ITSN2: variants seen among roughly 807,000 people sequenced by gnomAD.
ITSN2 encodes intersectin 2.
ITSN2 carries 156 observed loss-of-function variants against 243.7 expected under a neutral mutation model. The observed-to-expected ratio is 0.64, with a 90% CI of 0.56 to 0.73. ITSN2 has a LOEUF of 0.73. Among genes scored for constraint, ITSN2 ranks in the 30% least tolerant of loss-of-function variants. The pLI, the probability that ITSN2 is intolerant of heterozygous loss-of-function variation, is 0.00. For synonymous variants in ITSN2, 703 were observed against 699.9 expected (o/e 1.00, Z -0.07); for missense variants, 1,801 against 1,996.1 (o/e 0.90, Z 1.86).
At chr2:24,209,318 G>T (rs1669245208) in intron 35 of ITSN2, 97 bp from the exon 36 acceptor site, 5 of 1,450,524 alleles carry the variant, frequency 3.4e-6, no homozygotes, top group East Asian at 2.3e-5. Context: ...GAAGAGCCTT[G>T]TTGAGAAGGA....
intron 37 of ITSN2, chr2:24,205,695 C>T (rs745722411): frequency 2.2e-4 from 48 of 215,944 alleles, no homozygotes; most frequent in Non-Finnish European, 4.4e-4. Flanking sequence ...TGGACTGTTT[C>T]GATCATCCTT....
At chr2:24,342,067 G>A (rs1428138105) in intron 1 of ITSN2, among the ~76,000 whole-genome samples, 1 of 152,120 alleles carries the variant, frequency 6.6e-6, no homozygotes, top group Non-Finnish European at 1.5e-5. Context: ...GTTAGAACCT[G>A]GGACAGATAT....
Position 24,298,735 on chromosome 2 carries a change from T to C in ITSN2, c.1424A>G (p.Asn475Ser), listed in dbSNP as rs778548633. ...CCTGACAATTTCTTCTTGTTCTCTA[T>C]TCTTTTGATTGAGAAGCTCCTGTCG... The part of the protein sequence containing the change: ...IRRQELLNQK[N>S]REQEEIVRLN... The change falls in exon 13 of 40, where the codon AAT becomes AGT. Residue 475 changes from asparagine (N) to serine (S), a missense_variant. By Grantham distance (46) the Asn-to-Ser change is conservative (BLOSUM62 1). Around this residue, in one of 5 missense-constraint regions of ITSN2, gnomAD observed 787 missense variants for 803.9 expected, o/e 0.98. Coordinates refer to ENST00000355123, the MANE Select transcript of ITSN2 (RefSeq NM_006277.3). 2 of 1,613,280 alleles carry C rather than the reference T, an allele frequency of 1.2e-6. No individual in the cohort carries two copies. The highest frequency in any genetic ancestry group is 1.7e-6 in the Non-Finnish European group (2 of 1,179,598).
rs535163939 is a variant in ITSN2, at chr2:24,286,056, T to C, written c.1863+156A>G. Among the ~76,000 whole-genome samples the C allele has an allele frequency of 3.3e-5, 5 of 151,994 alleles. No individual in the cohort carries two copies. The South Asian group carries it at 8.3e-4, about 25-fold the overall frequency. ...GACACTATGTCATATAACTAGAACA[T>C]TAAAAACAATCTTGAAATTCTTGTA... is the stretch of plus-strand genomic sequence containing the variant. On this transcript the variant is annotated intron_variant, in intron 16 of 39. Transcript: ENST00000355123.
chr2:24,337,037 A>C (rs1279593453), intron 1 of ITSN2, among the ~76,000 whole-genome samples: 1 of 151,078 alleles, frequency 6.6e-6, no homozygotes, highest in Non-Finnish European at 1.5e-5. Flanking sequence ...GTTGTGCAAC[A>C]TGGCTCTCCT....
rs540039752 is a variant in ITSN2, at chr2:24,225,421, G to A, written c.3578-4355C>T. Among the ~76,000 whole-genome samples, 14 of 152,262 alleles carry A rather than the reference G, an allele frequency of 9.2e-5. No individual in the cohort carries two copies. Among genetic ancestry groups the A allele is most frequent in the Admixed American group, 7.2e-4 (11 of 15,294 alleles). On this transcript the variant is annotated intron_variant, in intron 29 of 39. Coordinates refer to ENST00000355123, the MANE Select transcript of ITSN2 (RefSeq NM_006277.3). The surrounding 1 kb of genome is among the most constrained non-coding windows in gnomAD (Gnocchi z 4.2). Reference sequence around the variant, plus strand: ...TGCCCCACTGCCCGACACTGCTCTCGGGAAGGTATCGATGACCTTGGCATT... The same window carrying A: ...TGCCCCACTGCCCGACACTGCTCTCAGGAAGGTATCGATGACCTTGGCATT...
At chr2:24,284,673 T>C (rs1679236711) in intron 17 of ITSN2, 90 bp downstream of exon 17, 1 of 762,384 alleles carries the variant, frequency 1.3e-6, no homozygotes, top group South Asian at 1.5e-5. Flanking sequence ...CAAACAAAGA[T>C]ACTCAGATAA....
intron 2 of ITSN2, among the ~76,000 whole-genome samples, chr2:24,320,177 G>A (rs1350456929): frequency 6.6e-6 from 1 of 151,268 alleles, no homozygotes; most frequent in Non-Finnish European, 1.5e-5. Context: ...AGGAGTTTGA[G>A]ACCAGCCTGG....
Position 24,249,072 on chromosome 2 carries a change from G to T in ITSN2, c.3121-190C>A, listed in dbSNP as rs1673776428. ...AATCCAACACTTATGAGGAGATCTGGTCTGCTAATGTAATACATTATATAC... is the reference window on the plus strand; with the variant it reads ...AATCCAACACTTATGAGGAGATCTGTTCTGCTAATGTAATACATTATATAC... On this transcript the variant is annotated intron_variant, in intron 25 of 39. Coordinates refer to ENST00000355123, the MANE Select transcript of ITSN2 (RefSeq NM_006277.3). The surrounding 1 kb of genome is among the most constrained non-coding windows in gnomAD (Gnocchi z 4.4). Among the ~76,000 whole-genome samples the T allele has an allele frequency of 2.0e-5, 3 of 152,104 alleles. No individual in the cohort carries two copies. In the South Asian group the frequency reaches 6.2e-4, roughly 32 times the overall value.
intron 3 of ITSN2, among the ~76,000 whole-genome samples, 196 bp from the exon 4 acceptor site, chr2:24,313,719 T>C (rs1683549999): frequency 6.6e-6 from 1 of 152,228 alleles, no homozygotes; most frequent in Non-Finnish European, 1.5e-5. Flanking sequence ...AAAAGTCACA[T>C]CTGCACTTCT....
chr2:24,283,210 CA>C (rs1679038617), intron 17 of ITSN2, among the ~76,000 whole-genome samples: 1 of 151,870 alleles, frequency 6.6e-6, no homozygotes, highest in Non-Finnish European at 1.5e-5. Context: ...TTGACAAATT[CA>C]ATGGATATTT....
chr2:24,354,539 T>C (rs142006962), intron 1 of ITSN2, among the ~76,000 whole-genome samples: 1 of 152,350 alleles, frequency 6.6e-6, no homozygotes, highest in Non-Finnish European at 1.5e-5. Flanking sequence ...GTCACTGTGC[T>C]AAGCACTTTA....
intron 21 of ITSN2, 78 bp downstream of exon 21, chr2:24,261,483 G>A (rs1675845551): frequency 1.7e-6 from 2 of 1,166,886 alleles, no homozygotes; most frequent in Non-Finnish European, 2.5e-6. Flanking sequence ...TGATGAAGTA[G>A]TAGGCTGACA....
Position 24,271,872 on chromosome 2 carries a change from C to CGGG in ITSN2, c.2150_2151insCCC (p.Lys717delinsAsnPro). 6.2e-7 allele frequency: 1 copy of CGGG among 1,603,458 alleles called. No homozygotes were observed. The highest frequency in any genetic ancestry group is 8.5e-7 in the Non-Finnish European group (1 of 1,174,486). On this transcript the variant is annotated protein_altering_variant, in exon 19 of 40. Coordinates refer to ENST00000355123, the MANE Select transcript of ITSN2 (RefSeq NM_006277.3). ...CTTGTGTTTTTTCTTCCTGGAGTCGCTTTTGTTTTTCTTCTTCCTCCTTTC... is the reference window on the plus strand; with the variant it reads ...CTTGTGTTTTTTCTTCCTGGAGTCGCGGGTTTTGTTTTTCTTCTTCCTCCTTTC...
chr2:24,272,435 T>C, intron 18 of ITSN2, among the ~76,000 whole-genome samples: 1 of 150,944 alleles, frequency 6.6e-6, no homozygotes, highest in Admixed American at 6.6e-5. Context: ...TTTTTTTTTT[T>C]TTTTTTTTTT....
chr2:24,337,678 T>C (rs1686612200), intron 1 of ITSN2, among the ~76,000 whole-genome samples: 1 of 136,088 alleles, frequency 7.3e-6, no homozygotes, highest in African/African-American at 2.7e-5. Flanking sequence ...TCTAGAGACA[T>C]GGTCTTGCTA....
chr2:24,204,043 G>A lies in ITSN2; in HGVS notation c.4936+202C>T. The A allele has an allele frequency of 1.6e-6, 1 of 635,160 alleles. No individual in the cohort carries two copies. The highest frequency in any genetic ancestry group is 2.7e-6 in the Non-Finnish European group (1 of 368,032). 39.3% of individuals were successfully genotyped at this position (635,160 alleles called of 1,614,324 possible). A position where few individuals can be genotyped will look rare whatever the true frequency, so the allele number is the denominator to read the frequency against. ...TCACGTCGTGTGTGTAGGGAGTGATGGGTCAAAGACCTGAAACACATCTCA... is the reference window on the plus strand; with the variant it reads ...TCACGTCGTGTGTGTAGGGAGTGATAGGTCAAAGACCTGAAACACATCTCA... On this transcript the variant is annotated intron_variant, in intron 39 of 39. Coordinates refer to ENST00000355123, the MANE Select transcript of ITSN2 (RefSeq NM_006277.3). This position sits in a 1 kb window ranked among gnomAD's most constrained non-coding sequence, Gnocchi z 5.1.
At chr2:24,291,040 A>G (rs1357110172) in intron 15 of ITSN2, among the ~76,000 whole-genome samples, 1 of 152,218 alleles carries the variant, frequency 6.6e-6, no homozygotes, top group East Asian at 1.9e-4. Flanking sequence ...AAATTAGGAG[A>G]GAACTGACAT....
At chr2:24,240,199 G>C (rs1672574094) in intron 29 of ITSN2, 1 of 152,130 alleles carries the variant, frequency 6.6e-6, no homozygotes. Context: ...TGGATTTAAA[G>C]TAACTGTCTT....
Sources: gnomAD v4.1 joint callset for allele counts (sites outside exome capture counted in the v4.1 genomes callset) on GRCh38, gnomAD v4.1.1 for gene constraint, gnomAD v4.1.1 regional missense constraint, Gnocchi (gnomAD v3.1) non-coding constraint, MANE v1.5 for transcripts, NCBI Gene and HGNC (gene_info 2026-07-23, HGNC 2026-07-21) for gene names.